The following UPK1B variants were observed in gnomAD, a reference collection of about 807,000 sequenced individuals.
UPK1B encodes the protein uroplakin-1b.
UPK1B carries 28 observed loss-of-function variants against 34.2 expected under a neutral mutation model. The ratio of observed to expected loss-of-function variants is 0.82; its 90% CI spans 0.61 to 1.12. The LOEUF is 1.12. UPK1B is among the 50% of genes most tolerant of loss of function. The pLI, the probability that UPK1B is intolerant of heterozygous loss-of-function variation, is 0.00. For synonymous variants in UPK1B, 81 were observed against 110.4 expected (o/e 0.73, Z 1.67); for missense variants, 325 against 320.9 (o/e 1.01, Z -0.10).
chr3:119,196,621 C>T (rs1407815590), intron 6 of UPK1B, among the ~76,000 whole-genome samples: 1 of 150,190 alleles, frequency 6.7e-6, no homozygotes, highest in African/African-American at 2.5e-5. Flanking sequence ...CTCACTGCAA[C>T]CTCCACCTCC....
At chr3:119,198,650 C>G (rs2078077114) in intron 6 of UPK1B, among the ~76,000 whole-genome samples, 1 of 152,132 alleles carries the variant, frequency 6.6e-6, no homozygotes, top group African/African-American at 2.4e-5. Flanking sequence ...TGGACAGAAG[C>G]ATTTTTATTC....
intron 1 of UPK1B, among the ~76,000 whole-genome samples, chr3:119,173,920 T>C (rs903658823): frequency 2.0e-5 from 3 of 152,238 alleles, no homozygotes; most frequent in Admixed American, 1.3e-4. Flanking sequence ...ACCTCAGATA[T>C]CCCCACAGAA....
At chr3:119,197,338 G>A (rs996490691) in intron 6 of UPK1B, among the ~76,000 whole-genome samples, 25 of 152,084 alleles carry the variant, frequency 1.6e-4, no homozygotes, top group Admixed American at 3.3e-4. Flanking sequence ...CTAGCATCAC[G>A]AAAAGGCACT....
chr3:119,194,726 C>G (rs2078058653), intron 6 of UPK1B, among the ~76,000 whole-genome samples: 1 of 152,120 alleles, frequency 6.6e-6, no homozygotes, highest in Non-Finnish European at 1.5e-5. Context: ...TCTAGTTTTG[C>G]AAAATGTAAA....
At chr3:119,177,274 GT>G (rs2077961178) in intron 1 of UPK1B, among the ~76,000 whole-genome samples, 1 of 152,174 alleles carries the variant, frequency 6.6e-6, no homozygotes, top group African/African-American at 2.4e-5. Context: ...AGTCTCATGG[GT>G]AGGCTCACAG....
chr3:119,187,767 G>GC lies in UPK1B; in HGVS notation c.70-3dup. On this transcript the variant is annotated splice_region_variant and splice_polypyrimidine_tract_variant and intron_variant, in intron 2 of 7. Transcript: ENST00000264234. The stretch of plus-strand genomic sequence containing the variant: ...TCCTGATGGAGCCCACCTTTCATTT[G>GC]CCCCCAGTGTTGCGGCATTGCCCTG... 2.0e-6 allele frequency: 3 copies of GC among 1,484,004 alleles called. No individual in the cohort carries two copies. Among genetic ancestry groups the GC allele is most frequent in the Non-Finnish European group, 2.7e-6 (3 of 1,103,786 alleles). The allele number at this position is 1,484,004 out of a possible 1,614,324, so 91.9% of individuals were successfully genotyped here. A position where few individuals can be genotyped will look rare whatever the true frequency, so the allele number is the denominator to read the frequency against.
At chr3:119,199,297 T>G (rs1208663451) in intron 7 of UPK1B, among the ~76,000 whole-genome samples, 157 bp downstream of exon 7, 1 of 152,180 alleles carries the variant, frequency 6.6e-6, no homozygotes, top group Non-Finnish European at 1.5e-5. Flanking sequence ...AGAAGGACAG[T>G]GGGTTCTCTT....
At position 119,204,113 on chromosome 3, in the gene UPK1B, G is replaced by T; in HGVS notation, c.*146G>T. On this transcript the variant is annotated 3_prime_UTR_variant, in exon 8 of 8. Transcript: ENST00000264234. ...AGTCAGATGGTACGGACTTCCTTTA[G>T]GATCTCAGGCTTCTGCAGTTCTCAT... The T allele has an allele frequency of 7.0e-6, 6 of 851,842 alleles. No homozygotes were observed. In the Admixed American group the frequency reaches 1.4e-4, roughly 20 times the overall value. The allele number at this position is 851,842 out of a possible 1,614,324, so 52.8% of individuals were successfully genotyped here. A position where few individuals can be genotyped will look rare whatever the true frequency, so the allele number is the denominator to read the frequency against.
intron 1 of UPK1B, among the ~76,000 whole-genome samples, chr3:119,180,593 G>C (rs926132846): frequency 1.3e-5 from 2 of 151,970 alleles, no homozygotes; most frequent in African/African-American, 4.8e-5. Context: ...TCTGTGTATA[G>C]AGAAGTCACC....
chr3:119,176,108 G>C (rs1162441697), intron 1 of UPK1B: 1 of 152,158 alleles, frequency 6.6e-6, no homozygotes, highest in African/African-American at 2.4e-5. Flanking sequence ...CTGAGTTTCA[G>C]GGTGAGGGCT....
intron 1 of UPK1B, among the ~76,000 whole-genome samples, chr3:119,179,805 CTTTTTTTTTTTTTTTTT>C (rs869040325): frequency 9.9e-5 from 5 of 50,600 alleles, no homozygotes; most frequent in East Asian, 5.8e-4. Flanking sequence ...CCACGCCCGG[CTTTTTTTTTTTTTTTTT>C]TTTTTTTTTT....
At chr3:119,189,509 G>T (rs2078034766) in intron 3 of UPK1B, among the ~76,000 whole-genome samples, 1 of 152,280 alleles carries the variant, frequency 6.6e-6, no homozygotes, top group African/African-American at 2.4e-5. Flanking sequence ...GCCAGAAATA[G>T]CATCACTGTC....
chr3:119,196,382 T>A (rs2107436649), intron 6 of UPK1B, among the ~76,000 whole-genome samples: 1 of 152,276 alleles, frequency 6.6e-6, no homozygotes, highest in East Asian at 1.9e-4. Flanking sequence ...TGTTCCCAAG[T>A]CTATTTTTTC....
rs755357574 is a variant in UPK1B, at chr3:119,194,234, G to A, written c.484G>A (p.Val162Ile). Residue 162 changes from valine to isoleucine, a missense_variant, in exon 6 of 8, where the codon GTA becomes ATA. Coordinates refer to ENST00000264234, the MANE Select transcript of UPK1B (RefSeq NM_006952.4). ...CTGCTGACAGGACAATTGCTGTGGC[G>A]TAAATGGTCCATCAGACTGGCAAAA... ...RLMLQDNCCG[V>I]NGPSDWQKYT... The A allele has an allele frequency of 1.2e-5, 19 of 1,613,732 alleles. No individual in the cohort carries two copies. Among genetic ancestry groups the A allele is most frequent in the East Asian group, 6.7e-5 (3 of 44,892 alleles).
At chr3:119,195,982 C>T (rs574714390) in intron 6 of UPK1B, among the ~76,000 whole-genome samples, 74 of 123,156 alleles carry the variant, frequency 6.0e-4, no homozygotes, top group African/African-American at 1.7e-3. Context: ...TCTGTTCTAA[C>T]AATTCCACCT....
At position 119,204,032 on chromosome 3, in the gene UPK1B, C is replaced by G. The variant is rs965672137; in HGVS notation, c.*65C>G. On this transcript the variant is annotated 3_prime_UTR_variant, in exon 8 of 8. Transcript: ENST00000264234. The stretch of plus-strand genomic sequence containing the variant: ...TCTGGATTTGGTGCTGGAACCAGCT[C>G]TCTCCTAATATTCCACGTTTGTGCC... 74 of 1,566,826 alleles carry G rather than the reference C, an allele frequency of 4.7e-5. No homozygotes were observed. Among genetic ancestry groups the G allele is most frequent in the Non-Finnish European group, 6.2e-5 (71 of 1,141,020 alleles).
chr3:119,187,976 G>T lies in UPK1B; in HGVS notation c.270+1G>T. 6.2e-7 allele frequency: 1 copy of T among 1,614,146 alleles called. No individual in the cohort carries two copies. The highest frequency in any genetic ancestry group is 8.5e-7 in the Non-Finnish European group (1 of 1,179,992). On this transcript the variant is annotated splice_donor_variant, in intron 3 of 7. Transcript: ENST00000264234. LOFTEE classifies it high-confidence loss of function. Reference sequence around the variant, plus strand: ...GTCCAGCAGGAAAATTCTTCTGGCGGTAAGACCTCAAAATTCTCTGGAGTT... The same window carrying T: ...GTCCAGCAGGAAAATTCTTCTGGCGTTAAGACCTCAAAATTCTCTGGAGTT...
chr3:119,199,100 G>T lies in UPK1B; in HGVS notation c.692G>T (p.Trp231Leu), dbSNP rs368682621. ...TCTGGTCCAATGAACCGACACGCCT[G>T]GGGGGTTGCCTGGTTTGGATTTGCC... ...LISGPMNRHAWGVAWFGFAIL... is the reference protein window; with the variant it reads ...LISGPMNRHALGVAWFGFAIL... Residue 231 changes from tryptophan (W) to leucine (L), a missense_variant, in exon 7 of 8, where the codon TGG (tryptophan) becomes TTG (leucine). Coordinates refer to ENST00000264234, the MANE Select transcript of UPK1B (RefSeq NM_006952.4). The T allele has an allele frequency of 4.3e-5, 70 of 1,613,932 alleles. 1 individual carries two copies. The highest frequency in any genetic ancestry group is 3.1e-4 in the East Asian group (14 of 44,898).
At chr3:119,178,388 A>T (rs1046151177) in intron 1 of UPK1B, among the ~76,000 whole-genome samples, 3 of 152,186 alleles carry the variant, frequency 2.0e-5, no homozygotes, top group Non-Finnish European at 2.9e-5. Context: ...TTGTAAGTGC[A>T]GAGGGAATGA....
Sources: allele counts gnomAD v4.1 joint callset (sites outside exome capture counted in the v4.1 genomes callset), GRCh38; gene constraint gnomAD v4.1.1; transcripts MANE v1.5; gene names NCBI Gene and HGNC (gene_info 2026-07-23, HGNC 2026-07-21).